FAM240B: variants seen among roughly 807,000 people sequenced by gnomAD.
FAM240B encodes family with sequence similarity 240 member B, also known as protein FAM240B.
At chr9:38,701,006 TCTC>T (rs1335624021) in intron 2 of FAM240B, among the ~76,000 whole-genome samples, 2 of 152,218 alleles carry the variant, frequency 1.3e-5, no homozygotes, top group Admixed American at 6.5e-5. Context: ...CTGGATTTGT[TCTC>T]CTGTCAACAA....
At chr9:38,703,628 C>T (rs1821154471) in intron 2 of FAM240B, among the ~76,000 whole-genome samples, 1 of 152,224 alleles carries the variant, frequency 6.6e-6, no homozygotes, top group African/African-American at 2.4e-5. Flanking sequence ...ACCCCCTCCT[C>T]TGGGACCTGT....
At chr9:38,705,967 T>C (rs1821186695) in intron 1 of FAM240B, among the ~76,000 whole-genome samples, 1 of 152,090 alleles carries the variant, frequency 6.6e-6, no homozygotes, top group South Asian at 2.1e-4. Context: ...TAGGGACGAT[T>C]GAAGGAGATG....
intron 1 of FAM240B, among the ~76,000 whole-genome samples, chr9:38,704,774 A>T (rs1033097846): frequency 6.6e-6 from 1 of 152,200 alleles, no homozygotes; most frequent in East Asian, 1.9e-4. Context: ...ACACTGTGCC[A>T]TCTGATGCTC....
At chr9:38,702,257 C>G (rs1313025492) in intron 2 of FAM240B, among the ~76,000 whole-genome samples, 2 of 152,172 alleles carry the variant, frequency 1.3e-5, no homozygotes, top group Admixed American at 6.5e-5. Flanking sequence ...TCCATTAGGC[C>G]ACCAGGAGTG....
chr9:38,697,274 C>A (rs947528748), intron 2 of FAM240B, among the ~76,000 whole-genome samples: 2 of 152,220 alleles, frequency 1.3e-5, no homozygotes, highest in African/African-American at 4.8e-5. Flanking sequence ...CAAGGCCAAA[C>A]TTCTTGCAGG....
chr9:38,710,777 T>C (rs1036871082), intron 1 of FAM240B, among the ~76,000 whole-genome samples: 5 of 152,224 alleles, frequency 3.3e-5, no homozygotes, highest in Admixed American at 6.5e-5. Flanking sequence ...ATGCTCTTTA[T>C]TGAGTGCTTA....
intron 2 of FAM240B, among the ~76,000 whole-genome samples, chr9:38,699,010 C>T (rs1356207977): frequency 6.6e-6 from 1 of 152,188 alleles, no homozygotes; most frequent in Admixed American, 6.5e-5. Context: ...ATGCTTAAAA[C>T]TTGACTTACA....
intron 1 of FAM240B, among the ~76,000 whole-genome samples, chr9:38,717,304 G>C (rs1821315764): frequency 1.3e-5 from 2 of 152,124 alleles, no homozygotes; most frequent in Admixed American, 6.5e-5. Context: ...GTTTTGGCCG[G>C]GCGCAGTGGC....
intron 1 of FAM240B, 110 bp from the exon 2 acceptor site, chr9:38,704,112 T>TG: frequency 2.6e-6 from 1 of 390,570 alleles, no homozygotes; most frequent in Non-Finnish European, 4.5e-6. Context: ...CACTTGTTTT[T>TG]TTTTTTTTTT....
chr9:38,706,462 G>T (rs923110176), intron 1 of FAM240B, among the ~76,000 whole-genome samples: 1 of 152,130 alleles, frequency 6.6e-6, no homozygotes, highest in African/African-American at 2.4e-5. Context: ...GACTTAGAGC[G>T]GTAGAGCTTC....
At chr9:38,717,533 T>A (rs370547190) in intron 1 of FAM240B, among the ~76,000 whole-genome samples, 5 of 152,210 alleles carry the variant, frequency 3.3e-5, no homozygotes, top group African/African-American at 1.2e-4. Context: ...CAGGCTGGAG[T>A]GCAGTGGCGC....
At chr9:38,702,191 C>T (rs1821136801) in intron 2 of FAM240B, among the ~76,000 whole-genome samples, 1 of 152,130 alleles carries the variant, frequency 6.6e-6, no homozygotes, top group Non-Finnish European at 1.5e-5. Context: ...TGAGAATCTA[C>T]AGGATTGGAT....
chr9:38,705,394 C>CTTGAT (rs1821177197), intron 1 of FAM240B: 1 of 152,300 alleles, frequency 6.6e-6, no homozygotes, highest in Non-Finnish European at 1.5e-5. Context: ...TCAAGACCAT[C>CTTGAT]CTGCCTAACA....
chr9:38,697,859 T>C (rs1156727163), intron 2 of FAM240B, among the ~76,000 whole-genome samples: 3 of 152,240 alleles, frequency 2.0e-5, no homozygotes, highest in African/African-American at 4.8e-5. Flanking sequence ...ATTTACATCA[T>C]GGAAGTTGGC....
At chr9:38,708,918 G>A (rs1210227441) in intron 1 of FAM240B, among the ~76,000 whole-genome samples, 2 of 152,164 alleles carry the variant, frequency 1.3e-5, no homozygotes, top group African/African-American at 4.8e-5. Context: ...AGATCATGGG[G>A]ATAAGAGGCT....
At chr9:38,716,836 T>G (rs1821308726) in intron 1 of FAM240B, among the ~76,000 whole-genome samples, 1 of 152,186 alleles carries the variant, frequency 6.6e-6, no homozygotes, top group Non-Finnish European at 1.5e-5. Flanking sequence ...ATAGCTGCGT[T>G]TTCAGAAACA....
chr9:38,695,005 G>GT, intron 2 of FAM240B, 136 bp from the exon 3 acceptor site: 1 of 394,188 alleles, frequency 2.5e-6, no homozygotes, highest in Non-Finnish European at 4.5e-6. Flanking sequence ...CTGTGTCCAT[G>GT]TGTTCTCATT....
At chr9:38,700,855 A>G (rs1821117864) in intron 2 of FAM240B, among the ~76,000 whole-genome samples, 1 of 152,200 alleles carries the variant, frequency 6.6e-6, no homozygotes, top group Admixed American at 6.5e-5. Context: ...ATCAGTTCCT[A>G]GGAAAAATGG....
At chr9:38,714,116 A>G (rs921419947) in intron 1 of FAM240B, among the ~76,000 whole-genome samples, 1 of 152,262 alleles carries the variant, frequency 6.6e-6, no homozygotes, top group African/African-American at 2.4e-5. Context: ...AATATGCACA[A>G]CAAAATAAAC....
Sources: allele counts gnomAD v4.1 joint callset (sites outside exome capture counted in the v4.1 genomes callset), GRCh38; gene constraint gnomAD v4.1.1; transcripts MANE v1.5; gene names NCBI Gene and HGNC (gene_info 2026-07-23, HGNC 2026-07-21).